The following ASTN2 variants were observed in gnomAD, a reference collection of about 807,000 sequenced individuals.
ASTN2 encodes the protein astrotactin-2.
In ASTN2, 54 loss-of-function variants were observed where a neutral mutation model predicts 139.8. That is an observed-to-expected ratio of 0.39 (90% CI 0.31 to 0.48). ASTN2 has a LOEUF of 0.48. Among genes scored for constraint, ASTN2 ranks in the 20% least tolerant of loss-of-function variants. The pLI is 0.95. For missense variants in ASTN2, 1,565 were observed against 1,725.1 expected, an observed-to-expected ratio of 0.91 and a Z score of 1.64; for synonymous variants, 756 against 719.5, an observed-to-expected ratio of 1.05 and a Z score of -0.81.
intron 10 of ASTN2, among the ~76,000 whole-genome samples, chr9:116,960,054 C>CT (rs1306860985): frequency 1.3e-5 from 2 of 152,010 alleles, no homozygotes; most frequent in South Asian, 2.1e-4. Flanking sequence ...GGATTGTAAA[C>CT]TTTTTTTTAA....
intron 7 of ASTN2, among the ~76,000 whole-genome samples, chr9:116,985,813 T>G (rs1367897928): frequency 6.6e-6 from 1 of 152,094 alleles, no homozygotes; most frequent in Non-Finnish European, 1.5e-5. Context: ...TGGCTTCTCC[T>G]CACCCTCACT....
intron 4 of ASTN2, among the ~76,000 whole-genome samples, chr9:117,133,216 C>T (rs1299173588): frequency 2.0e-5 from 3 of 152,202 alleles, no homozygotes; most frequent in Non-Finnish European, 4.4e-5. Flanking sequence ...TTAACAACAA[C>T]AAAGATTCAT....
intron 11 of ASTN2, among the ~76,000 whole-genome samples, chr9:116,859,649 G>A (rs906415877): frequency 6.6e-6 from 1 of 152,210 alleles, no homozygotes; most frequent in African/African-American, 2.4e-5. Flanking sequence ...GCTAATGAGT[G>A]TTCTAAAAGG....
chr9:116,590,180 C>T (rs550825295), intron 19 of ASTN2, among the ~76,000 whole-genome samples: 10 of 152,310 alleles, frequency 6.6e-5, no homozygotes, highest in African/African-American at 2.2e-4. Flanking sequence ...CCCCACCCTC[C>T]GAGGCACAGT....
intron 4 of ASTN2, among the ~76,000 whole-genome samples, chr9:117,111,901 AG>A (rs1319710466): frequency 6.6e-6 from 1 of 152,154 alleles, no homozygotes; most frequent in African/African-American, 2.4e-5. Flanking sequence ...GTAAGCACAA[AG>A]AATATACAAA....
intron 10 of ASTN2, among the ~76,000 whole-genome samples, chr9:116,901,552 T>C (rs1834012236): frequency 6.6e-6 from 1 of 152,142 alleles, no homozygotes; most frequent in Non-Finnish European, 1.5e-5. Flanking sequence ...TAATCACCTG[T>C]TTGTGGTCAT....
chr9:116,822,233 C>T (rs1831506357), intron 11 of ASTN2, among the ~76,000 whole-genome samples: 1 of 151,638 alleles, frequency 6.6e-6, no homozygotes. Context: ...TTAAATTTTG[C>T]CTGAGAAGAA....
chr9:116,567,038 A>G (rs1588015425), intron 19 of ASTN2, among the ~76,000 whole-genome samples: 1 of 152,222 alleles, frequency 6.6e-6, no homozygotes, highest in East Asian at 1.9e-4. Context: ...ACTATCCTCA[A>G]TGTACATATG....
At chr9:117,373,080 G>T (rs766962497) in intron 1 of ASTN2, among the ~76,000 whole-genome samples, 1 of 152,064 alleles carries the variant, frequency 6.6e-6, no homozygotes, top group Non-Finnish European at 1.5e-5. Flanking sequence ...GCTGTCATTC[G>T]CATCATTGTT....
chr9:117,347,161 A>G (rs1829244920), intron 1 of ASTN2, among the ~76,000 whole-genome samples: 1 of 152,040 alleles, frequency 6.6e-6, no homozygotes, highest in Admixed American at 6.6e-5. Context: ...GTCAAGAAGA[A>G]AAGGCACATG....
intron 3 of ASTN2, among the ~76,000 whole-genome samples, chr9:117,188,536 C>T (rs954811367): frequency 6.6e-6 from 1 of 152,098 alleles, no homozygotes; most frequent in Non-Finnish European, 1.5e-5. Flanking sequence ...CCTGTCTCCT[C>T]ACTGCTGTGT....
chr9:116,738,156 C>T lies in ASTN2; in HGVS notation c.2397-4633G>A, dbSNP rs182750741. On this transcript the variant is annotated intron_variant, in intron 13 of 22. Coordinates refer to ENST00000313400, the MANE Select transcript of ASTN2 (RefSeq NM_001365068.1). ...GCAGTGAGCCGAGATCGCGCCACTG[C>T]ACTCCAGCCTGGGCGACAGAGCGAG... is the stretch of plus-strand genomic sequence containing the variant. Among the ~76,000 whole-genome samples, 93 of 145,228 alleles carry T rather than the reference C, an allele frequency of 6.4e-4. 1 individual carries two copies. The highest frequency in any genetic ancestry group is 1.2e-3 in the Non-Finnish European group (77 of 66,656).
At chr9:116,908,043 T>C (rs1029891301) in intron 10 of ASTN2, among the ~76,000 whole-genome samples, 2 of 152,182 alleles carry the variant, frequency 1.3e-5, no homozygotes, top group Admixed American at 1.3e-4. Context: ...GCAGGATCTC[T>C]GGCTCTGGAA....
chr9:117,127,696 T>TC (rs2132828887), intron 4 of ASTN2, among the ~76,000 whole-genome samples: 1 of 144,688 alleles, frequency 6.9e-6, no homozygotes, highest in African/African-American at 2.6e-5. Context: ...TTTTTTTTTT[T>TC]TTGAGACAGA....
intron 11 of ASTN2, among the ~76,000 whole-genome samples, chr9:116,827,313 C>CAAAAAAAAA (rs141242698): frequency 1.3e-5 from 1 of 79,478 alleles, no homozygotes; most frequent in African/African-American, 5.1e-5. Context: ...CCATCCCCCC[C>CAAAAAAAAA]AAAAAAAAAA....
rs931323122 is a variant in ASTN2 at position 116,517,324 on chromosome 9, A to T, written c.3356-29824T>A. On this transcript the variant is annotated intron_variant, in intron 19 of 22. Transcript: ENST00000313400. ...TCCATGGCTGCCAAGACCTGAAGAC[A>T]GATAACATTACAGGACTCTTTGCAG... 3.9e-5 allele frequency among the ~76,000 whole-genome samples: 6 copies of T among 152,238 alleles called. No individual in the cohort carries two copies. In the South Asian group the frequency reaches 1.2e-3, roughly 32 times the overall value.
At chr9:116,697,882 G>T (rs1179298318) in intron 16 of ASTN2, 1 of 1,614,208 alleles carries the variant, frequency 6.2e-7, no homozygotes, top group Admixed American at 1.7e-5. Flanking sequence ...TGCCGCCAGT[G>T]CCTGGAGAAG....
intron 11 of ASTN2, among the ~76,000 whole-genome samples, chr9:116,857,323 A>T (rs1217806080): frequency 6.6e-6 from 1 of 152,148 alleles, no homozygotes; most frequent in Admixed American, 6.5e-5. Context: ...CTCTCGTATG[A>T]CCACTCTTTT....
At position 116,976,755 on chromosome 9, in the gene ASTN2, G is replaced by A. The variant is rs1264135103; in HGVS notation, c.1622C>T (p.Pro541Leu). ...GECSCHEGYA[P>L]DPVHRHLCVR... ...ACACAGGTGTCTGTGAACAGGGTCAGGGGCATAGCCTTCATGACAGCTGCA... is the reference window on the plus strand; with the variant it reads ...ACACAGGTGTCTGTGAACAGGGTCAAGGGCATAGCCTTCATGACAGCTGCA... Residue 541 changes from proline (P) to leucine (L), a missense_variant, in exon 8 of 23, where the codon CCT (proline) becomes CTT (leucine). Pro to Leu is a moderately conservative substitution (Grantham distance 98). Around this residue, in one of 4 missense-constraint regions of ASTN2, gnomAD observed 503 missense variants for 591.7 expected, o/e 0.85. Transcript: ENST00000313400. The A allele has an allele frequency of 1.2e-6, 2 of 1,613,968 alleles. No individual in the cohort carries two copies. The highest frequency in any genetic ancestry group is 1.7e-6 in the Non-Finnish European group (2 of 1,179,990).
Sources: allele counts gnomAD v4.1 joint callset (sites outside exome capture counted in the v4.1 genomes callset), GRCh38; gene constraint gnomAD v4.1.1; regional missense constraint gnomAD v4.1.1; transcripts MANE v1.5; gene names NCBI Gene and HGNC (gene_info 2026-07-23, HGNC 2026-07-21).